The following TSNAXIP1 variants were observed in gnomAD, a reference collection of about 807,000 sequenced individuals.
TSNAXIP1 encodes translin-associated factor X-interacting protein 1.
In TSNAXIP1, 89 loss-of-function variants were observed where a neutral mutation model predicts 84.8. The observed-to-expected ratio is 1.05, with a 90% CI of 0.88 to 1.25. The LOEUF (loss-of-function observed/expected upper bound fraction) is 1.25, where lower values mean the gene tolerates loss of function less well. Among genes scored for constraint, TSNAXIP1 ranks in the 50% most tolerant of loss-of-function variants. The pLI is 0.00. For synonymous variants in TSNAXIP1, 347 were observed against 335.2 expected, an observed-to-expected ratio of 1.04 and a Z score of -0.39; for missense variants, 874 against 887.6, an observed-to-expected ratio of 0.98 and a Z score of 0.20.
chr16:67,823,453 G>A (rs2057212178), intron 4 of TSNAXIP1, among the ~76,000 whole-genome samples, 173 bp from the exon 5 acceptor site: 1 of 152,172 alleles, frequency 6.6e-6, no homozygotes, highest in Admixed American at 6.5e-5. Flanking sequence ...TGAGGCAGGA[G>A]AATCACTTGA....
chr16:67,826,300 A>G lies in TSNAXIP1; in HGVS notation c.1275+18A>G, dbSNP rs766557161. On this transcript the variant is annotated intron_variant, in intron 10 of 15. Coordinates refer to ENST00000561639, the MANE Select transcript of TSNAXIP1 (RefSeq NM_001288990.3). ...CTGGTCTGGTAGGGGAGGCCCCAGG[A>G]GTGGGGCTTGGGCCAGAGTCAGAAC... 3.2e-5 allele frequency: 50 copies of G among 1,577,734 alleles called. No homozygotes were observed. The highest frequency in any genetic ancestry group is 4.3e-5 in the Non-Finnish European group (50 of 1,159,952).
chr16:67,807,357 C>A, intron 1 of TSNAXIP1, 161 bp downstream of exon 1: 1 of 1,533,230 alleles, frequency 6.5e-7, no homozygotes, highest in South Asian at 1.2e-5. Flanking sequence ...TGATTTAGCC[C>A]AGTGAAGACG....
At position 67,807,095 on chromosome 16, in the gene TSNAXIP1, A is replaced by T; in HGVS notation, c.-55A>T. On this transcript the variant is annotated 5_prime_UTR_variant, in exon 1 of 16. Coordinates refer to ENST00000561639, the MANE Select transcript of TSNAXIP1 (RefSeq NM_001288990.3). ...CCTGGTCGCCATGGCGACCGGCTGT[A>T]CGCTACCACAGCTTCCCAGGCCGCG... 2 of 1,527,484 alleles carry T rather than the reference A, an allele frequency of 1.3e-6. No homozygotes were observed. The highest frequency in any genetic ancestry group is 1.8e-6 in the Non-Finnish European group (2 of 1,142,006). The allele number at this position is 1,527,484 out of a possible 1,614,324, so 94.6% of individuals were successfully genotyped here.
At chr16:67,821,391 G>A (rs564156000) in intron 4 of TSNAXIP1, among the ~76,000 whole-genome samples, 166 bp downstream of exon 4, 2 of 152,200 alleles carry the variant, frequency 1.3e-5, no homozygotes, top group South Asian at 2.1e-4. Flanking sequence ...CCAACATGGC[G>A]AAACCCCGTC....
chr16:67,825,195 A>T lies in TSNAXIP1; in HGVS notation c.737A>T (p.Asp246Val). ...EEYLHYLSERDACKILIADLN... is the reference protein window; with the variant it reads ...EEYLHYLSERVACKILIADLN... ...TACCTGCACTACCTCAGTGAGCGAG[A>T]TGCCTGTAAGATCCTCATCGCAGAC... Residue 246 changes from aspartate (D) to valine (V), a missense_variant, in exon 7 of 16, where the codon GAT becomes GTT. Transcript: ENST00000561639. 1.2e-6 allele frequency: 2 copies of T among 1,614,166 alleles called. No individual in the cohort carries two copies. The highest frequency in any genetic ancestry group is 1.7e-6 in the Non-Finnish European group (2 of 1,180,030).
In TSNAXIP1 at chr16:67,827,047, G is replaced by C; in HGVS notation, c.1639G>C (p.Gly547Arg). 1 of 1,614,062 alleles carries C rather than the reference G, an allele frequency of 6.2e-7. No homozygotes were observed. ...EMTNADSQNE[G>R]LLTMEQFNTV... ...GACAAATGCTGACAGTCAGAACGAG[G>C]GGCTACTAACCATGGAGCAGTTCAA... Residue 547 changes from glycine to arginine, a missense_variant, in exon 13 of 16, where the codon GGG (glycine) becomes CGG (arginine). Gly to Arg is a moderately radical substitution (Grantham distance 125). Transcript: ENST00000561639.
rs774866226 is a variant in TSNAXIP1 at position 67,826,197 on chromosome 16, G to C, written c.1190G>C (p.Gly397Ala). ...GPERWQMLAE[G>A]KNSDQLVDVL... ...GAGCGCTGGCAGATGCTGGCTGAGG[G>C]CAAGAACAGCGACCAGCTGGTGGAC... Residue 397 changes from glycine (G) to alanine (A), a missense_variant, in exon 10 of 16, where the codon GGC (glycine) becomes GCC (alanine). Transcript: ENST00000561639. The C allele has an allele frequency of 6.2e-7, 1 of 1,610,988 alleles. No homozygotes were observed. The highest frequency in any genetic ancestry group is 8.5e-7 in the Non-Finnish European group (1 of 1,177,950).
intron 4 of TSNAXIP1, 36 bp downstream of exon 4, chr16:67,821,261 G>GGGGGC: frequency 1.3e-6 from 1 of 741,950 alleles, no homozygotes; most frequent in Non-Finnish European, 2.2e-6. Flanking sequence ...GAGGGCGGGG[G>GGGGGC]AAGGGTGGGA....
rs537318316 is a variant in TSNAXIP1, at chr16:67,827,536, G to C, written c.1855G>C (p.Asp619His). 5 of 1,614,208 alleles carry C rather than the reference G, an allele frequency of 3.1e-6. No individual in the cohort carries two copies. In the South Asian group the frequency reaches 3.3e-5, roughly 11 times the overall value. Reference sequence around the variant, plus strand: ...CTGGGAACAATACATGGATGAGAAGGACGAGTACTTACAGCAGCTAAAGCA... The same window carrying C: ...CTGGGAACAATACATGGATGAGAAGCACGAGTACTTACAGCAGCTAAAGCA... ...KLWEQYMDEK[D>H]EYLQQLKQEL... The change falls in exon 15 of 16, where the codon GAC becomes CAC. Residue 619 changes from aspartate (D) to histidine (H), a missense_variant. Transcript: ENST00000561639.
chr16:67,816,002 G>GCT (rs60415846), intron 2 of TSNAXIP1, among the ~76,000 whole-genome samples: 17,734 of 132,106 alleles, frequency 0.13, 2,451 homozygotes, highest in African/African-American at 0.36. Flanking sequence ...ACGGAATCTC[G>GCT]CTGTCGCCCA....
intron 2 of TSNAXIP1, among the ~76,000 whole-genome samples, chr16:67,817,446 A>AT (rs972522331): frequency 7.2e-6 from 1 of 138,652 alleles, no homozygotes; most frequent in Non-Finnish European, 1.5e-5. Context: ...GCGCCCGGCC[A>AT]TTTTTTGCGT....
At position 67,807,212 on chromosome 16, in the gene TSNAXIP1, G is replaced by T; in HGVS notation, c.47+16G>T. On this transcript the variant is annotated intron_variant, in intron 1 of 15. Transcript: ENST00000561639. ...CCGCGTCGAGGTAGGCGCTGGCAGG[G>T]ATGAGGGCAGAGATGAGGGTTTGAG... 1 of 1,536,022 alleles carries T rather than the reference G, an allele frequency of 6.5e-7. No individual in the cohort carries two copies.
chr16:67,815,313 C>CA (rs561529036), intron 2 of TSNAXIP1, among the ~76,000 whole-genome samples: 1,142 of 48,332 alleles, frequency 0.024, 16 homozygotes, highest in African/African-American at 0.042. Flanking sequence ...GACTACATCT[C>CA]AAAAAAAAAA....
At chr16:67,827,694 G>A in intron 15 of TSNAXIP1, 59 bp from the exon 16 acceptor site, 1 of 1,611,310 alleles carries the variant, frequency 6.2e-7, no homozygotes, top group Non-Finnish European at 8.5e-7. Flanking sequence ...AGGGCACCTG[G>A]GAGTCTGGGG....
rs1382421571 is a variant in TSNAXIP1 at position 67,828,021 on chromosome 16, G to C, written c.*28G>C. ...ACTTGTGGGCAGCCTGCGTACTCCA[G>C]TCCTGCTAACCCCTAGCTTTTAATA... On this transcript the variant is annotated 3_prime_UTR_variant, in exon 16 of 16. Coordinates refer to ENST00000561639, the MANE Select transcript of TSNAXIP1 (RefSeq NM_001288990.3). 2 of 1,608,886 alleles carry C rather than the reference G, an allele frequency of 1.2e-6. No individual in the cohort carries two copies. Among genetic ancestry groups the C allele is most frequent in the Admixed American group, 1.7e-5 (1 of 59,792 alleles).
At position 67,807,007 on chromosome 16, in the gene TSNAXIP1, G is replaced by A; in HGVS notation, c.-143G>A. 7.4e-7 allele frequency: 1 copy of A among 1,343,228 alleles called. No individual in the cohort carries two copies. 83.2% of individuals were successfully genotyped at this position (1,343,228 alleles called of 1,614,324 possible). A position where few individuals can be genotyped will look rare whatever the true frequency, so the allele number is the denominator to read the frequency against. Reference sequence around the variant, plus strand: ...ACTTTGTCCTACTCCCAGCCCGCGGGCGCTAGGCTCGGGGGCGTGGCGCAT... The same window carrying A: ...ACTTTGTCCTACTCCCAGCCCGCGGACGCTAGGCTCGGGGGCGTGGCGCAT... On this transcript the variant is annotated 5_prime_UTR_variant, in exon 1 of 16. Transcript: ENST00000561639.
chr16:67,824,829 TCCA>T, intron 6 of TSNAXIP1, 50 bp downstream of exon 6: 1 of 1,575,512 alleles, frequency 6.3e-7, no homozygotes, highest in Non-Finnish European at 8.6e-7. Context: ...TCCTGCCAAC[TCCA>T]CGACAAGGGT....
intron 1 of TSNAXIP1, chr16:67,807,830 C>G (rs915934605): frequency 6.2e-6 from 1 of 161,582 alleles, no homozygotes; most frequent in African/African-American, 2.4e-5. Flanking sequence ...GTAATATTAC[C>G]ATTGAACAAG....
In TSNAXIP1 at chr16:67,824,618, C is replaced by CT. The variant is rs764700341; in HGVS notation, c.518dup (p.Lys174GlufsTer9). 6.2e-7 allele frequency: 1 copy of CT among 1,614,090 alleles called. No homozygotes were observed. The highest frequency in any genetic ancestry group is 1.1e-5 in the South Asian group (1 of 91,082). On this transcript the variant is annotated frameshift_variant, in exon 6 of 16. Coordinates refer to ENST00000561639, the MANE Select transcript of TSNAXIP1 (RefSeq NM_001288990.3). LOFTEE classifies it high-confidence loss of function. ...GGAGAAGATTCGGGCTCTGGAGCCC[C>CT]TGAAGGCCAAGCTTGTCACTGTGAA... is the stretch of plus-strand genomic sequence containing the variant.
Sources: gnomAD v4.1 joint callset for allele counts (sites outside exome capture counted in the v4.1 genomes callset) on GRCh38, gnomAD v4.1.1 for gene constraint, MANE v1.5 for transcripts, NCBI Gene and HGNC (gene_info 2026-07-23, HGNC 2026-07-21) for gene names.